The following OR9Q1 variants were observed in gnomAD, a reference collection of about 807,000 sequenced individuals.
OR9Q1 encodes the protein olfactory receptor family 9 subfamily Q member 1, also known as olfactory receptor 9Q1.
For missense variants in OR9Q1, 374 were observed against 378.8 expected (o/e 0.99, Z 0.11); for synonymous variants, 153 against 148.6 (o/e 1.03, Z -0.22).
rs1223277415 is a variant in OR9Q1, at chr11:58,180,299, T to C, written c.855T>C (p.Asn285=). The change falls in exon 3 of 3, where the codon AAT becomes AAC. Residue 285 remains asparagine (N), a synonymous_variant. Transcript: ENST00000335397. ...VLYTEVIPML[N]PLIYSLRNKE... is the part of the protein sequence containing the mutation. The stretch of plus-strand genomic sequence containing the variant: ...ACACAGAGGTCATCCCCATGTTGAA[T>C]CCCCTCATCTACAGCCTGAGGAACA... The C allele has an allele frequency of 6.2e-7, 1 of 1,613,578 alleles. No homozygotes were observed. The highest frequency in any genetic ancestry group is 1.7e-5 in the Admixed American group (1 of 59,996).
chr11:58,059,424 A>C (rs1301167466), intron 2 of OR9Q1, among the ~76,000 whole-genome samples: 1 of 152,182 alleles, frequency 6.6e-6, no homozygotes, highest in Non-Finnish European at 1.5e-5. Context: ...GGCCGGGCAC[A>C]GTGGCTCATG....
chr11:58,146,711 T>C (rs1033276418), intron 2 of OR9Q1, among the ~76,000 whole-genome samples: 1 of 152,144 alleles, frequency 6.6e-6, no homozygotes, highest in East Asian at 1.9e-4. Context: ...CTGAGAGAAA[T>C]TAACGTTTAA....
At position 58,179,486 on chromosome 11, in the gene OR9Q1, T is replaced by G. The variant is rs1318474541; in HGVS notation, c.42T>G (p.Leu14=). The change falls in exon 3 of 3, where the codon CTT becomes CTG. Residue 14 remains leucine (L), a synonymous_variant. Coordinates refer to ENST00000335397, the MANE Select transcript of OR9Q1 (RefSeq NM_001005212.4). ...TCACCTTGGTGACCGAGTTCCTCCT[T>G]ATTGCATTCACTGAATATCCTGAAT... is the stretch of plus-strand genomic sequence containing the variant. ...MNLTLVTEFL[L]IAFTEYPEWA... 1 of 1,594,082 alleles carries G rather than the reference T, an allele frequency of 6.3e-7. No homozygotes were observed. Among genetic ancestry groups the G allele is most frequent in the African/African-American group, 1.3e-5 (1 of 74,572 alleles).
rs376584655 is a variant in OR9Q1 at position 58,138,766 on chromosome 11, A to AT, written c.-14-40659dup. On this transcript the variant is annotated intron_variant, in intron 2 of 2. Transcript: ENST00000335397. Reference sequence around the variant, plus strand: ...TAACATATCTATCACCTCACTTAGCATTTTTTGTGGTGAGACATTTAAAAT... The same window carrying AT: ...TAACATATCTATCACCTCACTTAGCATTTTTTTGTGGTGAGACATTTAAAAT... Among the ~76,000 whole-genome samples the AT allele has an allele frequency of 2.2e-3, 342 of 152,326 alleles. 3 individuals carry two copies. The highest frequency in any genetic ancestry group is 7.6e-3 in the African/African-American group (314 of 41,578).
intron 2 of OR9Q1, among the ~76,000 whole-genome samples, chr11:58,147,858 A>T (rs1854313846): frequency 6.6e-6 from 1 of 152,210 alleles, no homozygotes; most frequent in African/African-American, 2.4e-5. Flanking sequence ...TTCTTAAAAT[A>T]AAAAAGTCTC....
intron 1 of OR9Q1, 125 bp downstream of exon 1, chr11:58,024,229 T>G (rs1473296015): frequency 2.0e-5 from 3 of 152,376 alleles, no homozygotes; most frequent in African/African-American, 7.2e-5. Context: ...AAGCAGGCTG[T>G]GATGAGCTAG....
chr11:58,089,460 T>C lies in OR9Q1; in HGVS notation c.-15+33513T>C, dbSNP rs919225512. Among the ~76,000 whole-genome samples, 18 of 151,774 alleles carry C rather than the reference T, an allele frequency of 1.2e-4. 1 individual carries two copies. The highest frequency in any genetic ancestry group is 4.1e-4 in the African/African-American group (17 of 41,096). The stretch of plus-strand genomic sequence containing the variant: ...TTGTCGAAGGTCAGATGGCTGTAGA[T>C]GTGTATGTATGGTGTTAATTCTAAG... On this transcript the variant is annotated intron_variant, in intron 2 of 2. Transcript: ENST00000335397.
At chr11:58,152,754 T>C (rs1024665984) in intron 2 of OR9Q1, among the ~76,000 whole-genome samples, 10 of 152,262 alleles carry the variant, frequency 6.6e-5, no homozygotes, top group African/African-American at 2.2e-4. Flanking sequence ...TTCTAGGTTT[T>C]CTATTGATAT....
At chr11:58,048,028 G>C (rs1252890377) in intron 1 of OR9Q1, among the ~76,000 whole-genome samples, 3 of 152,146 alleles carry the variant, frequency 2.0e-5, no homozygotes, top group Non-Finnish European at 2.9e-5. Flanking sequence ...TAATCTATAG[G>C]GGCCAGGGTA....
intron 2 of OR9Q1, among the ~76,000 whole-genome samples, chr11:58,175,862 G>A (rs564250246): frequency 6.6e-6 from 1 of 151,210 alleles, no homozygotes; most frequent in African/African-American, 2.4e-5. Context: ...TCAACAAAAT[G>A]CCTATGAATT....
intron 2 of OR9Q1, among the ~76,000 whole-genome samples, chr11:58,123,512 A>G (rs919876327): frequency 6.6e-6 from 1 of 152,168 alleles, no homozygotes; most frequent in Non-Finnish European, 1.5e-5. Flanking sequence ...TTTGTGGCAC[A>G]TGCATGCAAG....
At chr11:58,083,511 G>A (rs1853608327) in intron 2 of OR9Q1, among the ~76,000 whole-genome samples, 1 of 151,752 alleles carries the variant, frequency 6.6e-6, no homozygotes, top group East Asian at 1.9e-4. Context: ...CAGTTGTTTT[G>A]AGGACTGAGT....
At chr11:58,057,473 G>A (rs1366615930) in intron 2 of OR9Q1, among the ~76,000 whole-genome samples, 1 of 152,100 alleles carries the variant, frequency 6.6e-6, no homozygotes, top group African/African-American at 2.4e-5. Context: ...CTTTGAGCTT[G>A]TTCTAGCATT....
chr11:58,031,264 G>C, intron 1 of OR9Q1: 1 of 1,614,174 alleles, frequency 6.2e-7, no homozygotes, highest in Non-Finnish European at 8.5e-7. Context: ...GCCTATCCCA[G>C]CTCTTCATCT....
At chr11:58,135,782 AG>A (rs1465415725) in intron 2 of OR9Q1, among the ~76,000 whole-genome samples, 1 of 152,202 alleles carries the variant, frequency 6.6e-6, no homozygotes, top group Non-Finnish European at 1.5e-5. Context: ...TAAGTGGATT[AG>A]TTTTTTGAGC....
At chr11:58,132,561 G>A (rs1342053915) in intron 2 of OR9Q1, among the ~76,000 whole-genome samples, 1 of 152,158 alleles carries the variant, frequency 6.6e-6, no homozygotes, top group Admixed American at 6.5e-5. Context: ...TTAAATATTA[G>A]CTGAATAAAT....
intron 2 of OR9Q1, among the ~76,000 whole-genome samples, chr11:58,059,278 G>C (rs1458470503): frequency 6.6e-6 from 1 of 151,882 alleles, no homozygotes; most frequent in Non-Finnish European, 1.5e-5. Flanking sequence ...TATAATTCTT[G>C]GCATTATTTG....
At chr11:58,110,922 G>A (rs1411715200) in intron 2 of OR9Q1, among the ~76,000 whole-genome samples, 1 of 152,070 alleles carries the variant, frequency 6.6e-6, no homozygotes, top group East Asian at 1.9e-4. Context: ...AAGACTCACT[G>A]GGAGGCTGTC....
At chr11:58,025,095 T>C (rs1398787779) in intron 1 of OR9Q1, among the ~76,000 whole-genome samples, 2 of 152,194 alleles carry the variant, frequency 1.3e-5, no homozygotes. Flanking sequence ...GAATAGTTCA[T>C]AGGATCATAG....
Sources: allele counts gnomAD v4.1 joint callset (sites outside exome capture counted in the v4.1 genomes callset), GRCh38; gene constraint gnomAD v4.1.1; transcripts MANE v1.5; gene names NCBI Gene and HGNC (gene_info 2026-07-23, HGNC 2026-07-21).